VWF: variants seen among roughly 807,000 people sequenced by gnomAD.
VWF encodes the protein von Willebrand factor.
A neutral mutation model predicts 308.6 loss-of-function variants in VWF; 176 were observed. The ratio of observed to expected loss-of-function variants is 0.57; its 90% CI spans 0.50 to 0.65. VWF has a LOEUF of 0.65. VWF is among the 30% of genes least tolerant of loss of function. The pLI is 0.00. For synonymous variants in VWF, 1,385 were observed against 1,443.4 expected, an observed-to-expected ratio of 0.96 and a Z score of 0.92; for missense variants, 3,146 against 3,648.2, an observed-to-expected ratio of 0.86 and a Z score of 3.55.
At position 6,052,868 on chromosome 12, in the gene VWF, T is replaced by A. The variant is rs910645302; in HGVS notation, c.1946-85A>T. 4.0e-6 allele frequency: 6 copies of A among 1,514,504 alleles called. No individual in the cohort carries two copies. The African/African-American group carries it at 8.4e-5, about 21-fold the overall frequency. The allele number at this position is 1,514,504 out of a possible 1,614,324, so 93.8% of individuals were successfully genotyped here. On this transcript the variant is annotated intron_variant, in intron 15 of 51. Coordinates refer to ENST00000261405, the MANE Select transcript of VWF (RefSeq NM_000552.5). Reference sequence around the variant, plus strand: ...TCTAGGACTTGCCACCCCTTGTAGCTGTGACCCCCAATTATTTAATTAAAA... The same window carrying A: ...TCTAGGACTTGCCACCCCTTGTAGCAGTGACCCCCAATTATTTAATTAAAA...
chr12:5,955,960 T>C (rs1481491703), intron 47 of VWF, among the ~76,000 whole-genome samples: 1 of 152,068 alleles, frequency 6.6e-6, no homozygotes, highest in Admixed American at 6.6e-5. Flanking sequence ...AAAATATAAA[T>C]AGGGAGCCCC....
chr12:6,089,079 C>A (rs530596201), intron 6 of VWF, among the ~76,000 whole-genome samples: 1 of 152,188 alleles, frequency 6.6e-6, no homozygotes, highest in African/African-American at 2.4e-5. Context: ...ACTCTGCCAC[C>A]CCGAACGGCC....
intron 3 of VWF, among the ~76,000 whole-genome samples, chr12:6,120,910 G>C (rs1945423260): frequency 6.6e-6 from 1 of 152,044 alleles, no homozygotes; most frequent in African/African-American, 2.4e-5. Flanking sequence ...GAGTTCCCAG[G>C]GCATCGCCGG....
At chr12:5,995,676 C>G (rs1338212394) in intron 35 of VWF, among the ~76,000 whole-genome samples, 1 of 152,186 alleles carries the variant, frequency 6.6e-6, no homozygotes, top group African/African-American at 2.4e-5. Context: ...AGGGTTTAGG[C>G]ATTGGACTCA....
intron 5 of VWF, among the ~76,000 whole-genome samples, chr12:6,103,092 C>A (rs1271681066): frequency 6.6e-6 from 1 of 152,076 alleles, no homozygotes; most frequent in East Asian, 1.9e-4. Context: ...CTTTGGGAGG[C>A]CAAGGTGGGT....
chr12:6,073,824 C>A, intron 7 of VWF, 83 bp from the exon 8 acceptor site: 1 of 1,592,466 alleles, frequency 6.3e-7, no homozygotes, highest in Non-Finnish European at 8.5e-7. Flanking sequence ...GCCTGAGCCT[C>A]TCGTGCCCAC....
intron 17 of VWF, among the ~76,000 whole-genome samples, chr12:6,045,326 C>G (rs1439335571): frequency 6.6e-6 from 1 of 152,224 alleles, no homozygotes; most frequent in Non-Finnish European, 1.5e-5. Context: ...TATGGAAACT[C>G]TTGTTAGAAA....
intron 6 of VWF, among the ~76,000 whole-genome samples, chr12:6,093,234 G>A (rs1472004926): frequency 6.6e-6 from 1 of 152,156 alleles, no homozygotes; most frequent in African/African-American, 2.4e-5. Flanking sequence ...CAGCGTAGGT[G>A]CCCATTCAGA....
chr12:6,123,268 G>A (rs892905267), intron 1 of VWF, 72 bp from the exon 2 acceptor site: 4 of 1,538,458 alleles, frequency 2.6e-6, no homozygotes, highest in Middle Eastern at 1.7e-4. Flanking sequence ...GCGACTATCA[G>A]GGCATGCAGT....
chr12:5,965,996 T>G (rs1943397631), intron 47 of VWF, among the ~76,000 whole-genome samples: 2 of 152,170 alleles, frequency 1.3e-5, no homozygotes, highest in Admixed American at 1.3e-4. Flanking sequence ...CATCTGAGAC[T>G]GGATTCTAAA....
chr12:6,006,742 G>A (rs1319351445), intron 34 of VWF, among the ~76,000 whole-genome samples: 1 of 152,184 alleles, frequency 6.6e-6, no homozygotes, highest in Non-Finnish European at 1.5e-5. Context: ...TCGAGCCATT[G>A]CACTCCAGCC....
chr12:6,014,848 CAT>C (rs1403027036), intron 31 of VWF, among the ~76,000 whole-genome samples: 1 of 152,230 alleles, frequency 6.6e-6, no homozygotes, highest in East Asian at 1.9e-4. Flanking sequence ...CTCATTTACA[CAT>C]GAGAAACCGA....
At chr12:6,107,464 G>A (rs1052627309) in intron 5 of VWF, among the ~76,000 whole-genome samples, 6 of 152,156 alleles carry the variant, frequency 3.9e-5, no homozygotes, top group African/African-American at 1.4e-4. Flanking sequence ...GAGCCATGTG[G>A]TGCTTCCATG....
At chr12:6,107,698 G>T (rs200917045) in intron 5 of VWF, among the ~76,000 whole-genome samples, 3 of 151,546 alleles carry the variant, frequency 2.0e-5, no homozygotes, top group East Asian at 1.9e-4. Flanking sequence ...TCACTCTGTC[G>T]CCCAGGCTGG....
chr12:6,010,380 A>C (rs911831902), intron 34 of VWF, among the ~76,000 whole-genome samples: 13 of 152,318 alleles, frequency 8.5e-5, no homozygotes, highest in African/African-American at 3.1e-4. Flanking sequence ...TACCTCGCTG[A>C]TCGAAAACCA....
intron 6 of VWF, among the ~76,000 whole-genome samples, chr12:6,093,061 C>T (rs1038516277): frequency 6.6e-6 from 1 of 152,140 alleles, no homozygotes; most frequent in Non-Finnish European, 1.5e-5. Flanking sequence ...CAGGCCACAA[C>T]TCTGAATAAG....
Position 6,119,540 on chromosome 12 carries a change from A to C in VWF, c.220+1634T>G, listed in dbSNP as rs1344166390. ...CAAAGCTCCTTCCCTAGGGCTCCTC[A>C]CACACACTCTGTAAACATCTTCAGA... On this transcript the variant is annotated intron_variant, in intron 3 of 51. Coordinates refer to ENST00000261405, the MANE Select transcript of VWF (RefSeq NM_000552.5). 2.6e-5 allele frequency among the ~76,000 whole-genome samples: 4 copies of C among 151,984 alleles called. No individual in the cohort carries two copies. The South Asian group carries it at 8.3e-4, about 32-fold the overall frequency.
rs945866240 is a variant in VWF at position 6,046,007 on chromosome 12, G to C, written c.2281+716C>G. On this transcript the variant is annotated intron_variant, in intron 17 of 51. Coordinates refer to ENST00000261405, the MANE Select transcript of VWF (RefSeq NM_000552.5). The surrounding 1 kb of genome is among the most constrained non-coding windows in gnomAD (Gnocchi z 5.0). ...GGAGGCCGAGGCAGGCAGATCACTT[G>C]AGGTCAGGAGTTCAAGACCAGCCTG... 5.3e-5 allele frequency among the ~76,000 whole-genome samples: 8 copies of C among 152,178 alleles called. No individual in the cohort carries two copies. Among genetic ancestry groups the C allele is most frequent in the Non-Finnish European group, 1.2e-4 (8 of 68,030 alleles).
chr12:6,117,843 G>T (rs149234552), intron 3 of VWF, among the ~76,000 whole-genome samples: 2 of 152,276 alleles, frequency 1.3e-5, no homozygotes, highest in African/African-American at 4.8e-5. Flanking sequence ...GGAATTGGAG[G>T]CTAAGACAGC....
Sources: gnomAD v4.1 joint callset for allele counts (sites outside exome capture counted in the v4.1 genomes callset) on GRCh38, gnomAD v4.1.1 for gene constraint, Gnocchi (gnomAD v3.1) non-coding constraint, MANE v1.5 for transcripts, NCBI Gene and HGNC (gene_info 2026-07-23, HGNC 2026-07-21) for gene names.